The following SGCZ variants were observed in gnomAD, a reference collection of about 807,000 sequenced individuals.
SGCZ encodes zeta-sarcoglycan.
In SGCZ, 40 loss-of-function variants were observed where a neutral mutation model predicts 41.3. The observed-to-expected ratio is 0.97, with a 90% CI of 0.75 to 1.26. The LOEUF is 1.26. Among genes scored for constraint, SGCZ ranks in the 50% most tolerant of loss-of-function variants. The probability of loss-of-function intolerance (pLI) is 0.00; values close to 1 mark genes in which losing one functional copy is unlikely to be tolerated. For missense variants in SGCZ, 552 were observed against 369.8 expected (o/e 1.49, Z -4.04); for synonymous variants, 206 against 137.5 (o/e 1.50, Z -3.49).
chr8:14,721,385 A>T (rs2264526), intron 1 of SGCZ, among the ~76,000 whole-genome samples: 124,673 of 152,034 alleles, frequency 0.82, 51,505 homozygotes, highest in African/African-American at 0.94. Context: ...AAAAGAGAAT[A>T]CCTGATTCGT....
At chr8:14,456,835 G>C (rs954649029) in intron 2 of SGCZ, among the ~76,000 whole-genome samples, 6 of 152,156 alleles carry the variant, frequency 3.9e-5, no homozygotes, top group African/African-American at 1.4e-4. Flanking sequence ...CTGTCTTTGT[G>C]ATAGTGACTG....
chr8:14,125,503 C>CAAAA (rs35509746), intron 5 of SGCZ, among the ~76,000 whole-genome samples: 3 of 118,456 alleles, frequency 2.5e-5, no homozygotes, highest in African/African-American at 5.8e-5. Context: ...GATTCCGTCT[C>CAAAA]AAAAAAAAAA....
chr8:14,124,097 G>C (rs146550084), intron 5 of SGCZ, among the ~76,000 whole-genome samples: 6 of 152,144 alleles, frequency 3.9e-5, no homozygotes, highest in Non-Finnish European at 7.4e-5. Context: ...TATCATCTTA[G>C]TGAAAACAGG....
At chr8:14,286,512 A>C (rs1490882413) in intron 3 of SGCZ, among the ~76,000 whole-genome samples, 1 of 152,130 alleles carries the variant, frequency 6.6e-6, no homozygotes, top group Non-Finnish European at 1.5e-5. Flanking sequence ...GAGTGTTCTG[A>C]GGTTGTACCC....
intron 1 of SGCZ, among the ~76,000 whole-genome samples, chr8:14,770,539 T>A (rs951682830): frequency 1.3e-5 from 2 of 151,970 alleles, no homozygotes; most frequent in Admixed American, 6.6e-5. Flanking sequence ...TGGTTTATGT[T>A]CTCACATAAA....
intron 1 of SGCZ, among the ~76,000 whole-genome samples, chr8:15,016,581 G>T (rs1278375910): frequency 6.6e-6 from 1 of 152,194 alleles, no homozygotes. Flanking sequence ...TGTATTCCCA[G>T]TCTCTCTGGG....
chr8:14,530,286 T>A (rs905062641), intron 2 of SGCZ, among the ~76,000 whole-genome samples: 1 of 152,024 alleles, frequency 6.6e-6, no homozygotes, highest in African/African-American at 2.4e-5. Flanking sequence ...TCTCAAAATA[T>A]AAGTGATCTT....
intron 4 of SGCZ, among the ~76,000 whole-genome samples, chr8:14,196,363 A>C (rs1805267338): frequency 1.3e-5 from 2 of 152,036 alleles, no homozygotes; most frequent in South Asian, 4.1e-4. Context: ...TCCTGGGTTC[A>C]AGTTATTCTC....
intron 1 of SGCZ, among the ~76,000 whole-genome samples, chr8:14,967,760 A>G (rs1233420644): frequency 6.6e-6 from 1 of 152,086 alleles, no homozygotes; most frequent in Non-Finnish European, 1.5e-5. Context: ...ATTTATTTCC[A>G]TTTACTAGAA....
chr8:15,115,883 G>A (rs892251258), intron 1 of SGCZ, among the ~76,000 whole-genome samples: 1 of 152,188 alleles, frequency 6.6e-6, no homozygotes, highest in African/African-American at 2.4e-5. Context: ...GTAATAAAAT[G>A]AGTGCAGAAA....
At chr8:14,424,584 T>C (rs1393885700) in intron 2 of SGCZ, among the ~76,000 whole-genome samples, 7 of 152,036 alleles carry the variant, frequency 4.6e-5, no homozygotes, top group Non-Finnish European at 7.4e-5. Flanking sequence ...TACTATATCA[T>C]CTATAATTCA....
intron 5 of SGCZ, among the ~76,000 whole-genome samples, chr8:14,133,109 C>G (rs1298354992): frequency 6.6e-6 from 1 of 152,150 alleles, no homozygotes; most frequent in Admixed American, 6.6e-5. Context: ...CAACACTTAG[C>G]CAGGGGACTG....
intron 2 of SGCZ, among the ~76,000 whole-genome samples, chr8:14,485,982 C>T (rs938413366): frequency 6.6e-6 from 1 of 151,932 alleles, no homozygotes; most frequent in Non-Finnish European, 1.5e-5. Flanking sequence ...GCTGGGACTA[C>T]AGGCGTCCGC....
chr8:14,482,045 A>T (rs935079147), intron 2 of SGCZ, among the ~76,000 whole-genome samples: 1 of 152,186 alleles, frequency 6.6e-6, no homozygotes, highest in African/African-American at 2.4e-5. Flanking sequence ...CAGAAATGCT[A>T]TTGCAGGAGG....
intron 1 of SGCZ, among the ~76,000 whole-genome samples, chr8:14,808,565 A>T (rs1801630408): frequency 6.6e-6 from 1 of 152,208 alleles, no homozygotes; most frequent in South Asian, 2.1e-4. Context: ...GCGATCATTA[A>T]AAAGTCAGGA....
chr8:14,712,309 T>G (rs967036514), intron 1 of SGCZ, among the ~76,000 whole-genome samples: 2 of 152,214 alleles, frequency 1.3e-5, no homozygotes, highest in African/African-American at 2.4e-5. Context: ...TGAAATGCTG[T>G]CTACTCAAGT....
intron 1 of SGCZ, among the ~76,000 whole-genome samples, chr8:14,631,504 A>G (rs1806653071): frequency 6.6e-6 from 1 of 152,038 alleles, no homozygotes; most frequent in Non-Finnish European, 1.5e-5. Flanking sequence ...TTGCCCAGAG[A>G]TAATTGGTTT....
At chr8:14,990,813 G>A (rs1298780860) in intron 1 of SGCZ, among the ~76,000 whole-genome samples, 1 of 152,092 alleles carries the variant, frequency 6.6e-6, no homozygotes, top group Non-Finnish European at 1.5e-5. Context: ...CATCCCTGGT[G>A]CCAAAAGGGC....
At chr8:14,788,574 T>C (rs1040757528) in intron 1 of SGCZ, among the ~76,000 whole-genome samples, 8 of 152,160 alleles carry the variant, frequency 5.3e-5, no homozygotes, top group African/African-American at 1.9e-4. Flanking sequence ...TCAGTAATAA[T>C]AATAATACCA....
Sources: gnomAD v4.1 joint callset for allele counts (sites outside exome capture counted in the v4.1 genomes callset) on GRCh38, gnomAD v4.1.1 for gene constraint, MANE v1.5 for transcripts, NCBI Gene and HGNC (gene_info 2026-07-23, HGNC 2026-07-21) for gene names.